Variants in PARD3B observed in about 807,000 individuals in gnomAD.
PARD3B encodes the protein partitioning defective 3 homolog B.
Under a neutral mutation model 130.2 loss-of-function variants are expected in PARD3B, and 103 were observed. The ratio of observed to expected loss-of-function variants is 0.79; its 90% CI spans 0.67 to 0.93. PARD3B has a LOEUF of 0.93. Ranked by LOEUF, PARD3B falls within the 40% of genes least tolerant of loss-of-function variation. PARD3B has a pLI of 0.00. For synonymous variants in PARD3B, 583 were observed against 553.2 expected (o/e 1.05, Z -0.76); for missense variants, 1,609 against 1,499.2 (o/e 1.07, Z -1.21).
intron 20 of PARD3B, among the ~76,000 whole-genome samples, chr2:205,469,704 G>A (rs186046332): frequency 5.6e-4 from 85 of 152,250 alleles, no homozygotes; most frequent in African/African-American, 2.0e-3. Flanking sequence ...TCCTGGTATT[G>A]CTCTCTAACC....
At chr2:205,109,459 T>C (rs1427957994) in intron 5 of PARD3B, among the ~76,000 whole-genome samples, 1 of 152,108 alleles carries the variant, frequency 6.6e-6, no homozygotes, top group Non-Finnish European at 1.5e-5. Context: ...ACTGAGGAAA[T>C]CAATAGAAAA....
rs1276007539 is a variant in PARD3B, at chr2:205,572,969, A to G, written c.3260+19566A>G. On this transcript the variant is annotated intron_variant, in intron 22 of 22. Transcript: ENST00000406610. This position sits in a 1 kb window ranked among gnomAD's most constrained non-coding sequence, Gnocchi z 4.2. ...AGCATGGCTAGGGAGGCCTCAGGAA[A>G]CTTACAGTCATGGTAGAGGGGAAGC... is the stretch of plus-strand genomic sequence containing the variant. Among the ~76,000 whole-genome samples the G allele has an allele frequency of 6.6e-6, 1 of 152,166 alleles. No individual in the cohort carries two copies. Among genetic ancestry groups the G allele is most frequent in the African/African-American group, 2.4e-5 (1 of 41,452 alleles).
intron 2 of PARD3B, among the ~76,000 whole-genome samples, chr2:204,951,096 T>C (rs186375069): frequency 2.6e-5 from 4 of 152,278 alleles, no homozygotes; most frequent in African/African-American, 4.8e-5. Flanking sequence ...TGGAGAGTCA[T>C]ATAATTCAAG....
intron 22 of PARD3B, among the ~76,000 whole-genome samples, chr2:205,569,717 A>G (rs2053493716): frequency 6.6e-6 from 1 of 152,182 alleles, no homozygotes; most frequent in Admixed American, 6.5e-5. Context: ...TCAGGATACT[A>G]AGTGTCCTGA....
chr2:205,228,233 A>G (rs2038662446), intron 15 of PARD3B, among the ~76,000 whole-genome samples: 1 of 152,202 alleles, frequency 6.6e-6, no homozygotes, highest in Admixed American at 6.5e-5. Context: ...TTGTTCATCA[A>G]TGTCCTTTTC....
At chr2:205,132,942 C>T (rs528131832) in intron 10 of PARD3B, among the ~76,000 whole-genome samples, 41 of 152,062 alleles carry the variant, frequency 2.7e-4, no homozygotes, top group South Asian at 2.5e-3. Context: ...ATGAAAGCTA[C>T]GCATTACTAA....
intron 21 of PARD3B, among the ~76,000 whole-genome samples, chr2:205,535,897 C>T (rs2051832030): frequency 6.6e-6 from 1 of 152,148 alleles, no homozygotes; most frequent in South Asian, 2.1e-4. Context: ...AATTGTACCC[C>T]AAATTTCATT....
chr2:205,476,973 A>G (rs759957659), intron 20 of PARD3B, among the ~76,000 whole-genome samples: 4 of 152,190 alleles, frequency 2.6e-5, no homozygotes, highest in Non-Finnish European at 5.9e-5. Context: ...TATGGCAATG[A>G]TGTTTTTACA....
intron 10 of PARD3B, among the ~76,000 whole-genome samples, chr2:205,129,699 A>G (rs577346374): frequency 1.3e-5 from 2 of 152,310 alleles, no homozygotes; most frequent in African/African-American, 4.8e-5. Context: ...ACAGCACTGC[A>G]CTGCCTAGTT....
chr2:205,444,950 C>T (rs2047854863), intron 20 of PARD3B, among the ~76,000 whole-genome samples: 1 of 151,196 alleles, frequency 6.6e-6, no homozygotes, highest in Non-Finnish European at 1.5e-5. Context: ...TAAGTAGGAC[C>T]AGAGGGAGAA....
At chr2:205,068,642 G>A (rs1470932950) in intron 4 of PARD3B, among the ~76,000 whole-genome samples, 1 of 150,720 alleles carries the variant, frequency 6.6e-6, no homozygotes, top group Non-Finnish European at 1.5e-5. Context: ...GTATTTTCTT[G>A]TTTTACATGA....
In PARD3B at chr2:205,300,407, C is replaced by G. The variant is rs1443653483; in HGVS notation, c.2186-123C>G. 29 of 874,488 alleles carry G rather than the reference C, an allele frequency of 3.3e-5. No individual in the cohort carries two copies. The highest frequency in any genetic ancestry group is 5.1e-5 in the Non-Finnish European group (28 of 548,762). The allele number at this position is 874,488 out of a possible 1,614,324, so 54.2% of individuals were successfully genotyped here. On this transcript the variant is annotated intron_variant, in intron 16 of 22. Transcript: ENST00000406610. The surrounding 1 kb of genome is among the most constrained non-coding windows in gnomAD (Gnocchi z 4.1). ...AAGGTGGCAAAGCTGGAGTATAACC[C>G]CAACTCCCACCCACTTAACACCCCT... is the stretch of plus-strand genomic sequence containing the variant.
chr2:204,728,108 C>T (rs1015061476), intron 2 of PARD3B, among the ~76,000 whole-genome samples: 1 of 152,164 alleles, frequency 6.6e-6, no homozygotes. Flanking sequence ...CACTTTCACT[C>T]ACAGCCGGGA....
intron 3 of PARD3B, among the ~76,000 whole-genome samples, chr2:205,001,708 G>T (rs1164855648): frequency 1.3e-5 from 2 of 152,192 alleles, no homozygotes; most frequent in Admixed American, 1.3e-4. Context: ...GAGGCGTAAT[G>T]TGCTCCTCCC....
intron 2 of PARD3B, among the ~76,000 whole-genome samples, chr2:204,692,513 T>A (rs1159836480): frequency 7.2e-6 from 1 of 139,314 alleles, no homozygotes; most frequent in African/African-American, 2.6e-5. Flanking sequence ...TTTTTTTTTT[T>A]AAAGGTCCTG....
chr2:205,567,192 A>G (rs2053371093), intron 22 of PARD3B, among the ~76,000 whole-genome samples: 1 of 152,034 alleles, frequency 6.6e-6, no homozygotes, highest in South Asian at 2.1e-4. Context: ...ATGTATGTAT[A>G]GAGAGAGAAA....
intron 15 of PARD3B, among the ~76,000 whole-genome samples, chr2:205,212,780 C>T (rs1457579958): frequency 6.6e-6 from 1 of 151,996 alleles, no homozygotes; most frequent in Non-Finnish European, 1.5e-5. Flanking sequence ...TTATCTGTGG[C>T]CAGAAACCTT....
At chr2:205,374,673 C>T (rs1165496202) in intron 18 of PARD3B, among the ~76,000 whole-genome samples, 1 of 152,078 alleles carries the variant, frequency 6.6e-6, no homozygotes, top group African/African-American at 2.4e-5. Context: ...TCCACAAATC[C>T]ATAATTTTTC....
chr2:205,006,612 T>C lies in PARD3B; in HGVS notation c.395-40969T>C, dbSNP rs1695286517. Among the ~76,000 whole-genome samples the C allele has an allele frequency of 2.0e-5, 3 of 152,198 alleles. 1 individual carries two copies. Among genetic ancestry groups the C allele is most frequent in the Admixed American group, 2.0e-4 (3 of 15,276 alleles). On this transcript the variant is annotated intron_variant, in intron 3 of 22. Transcript: ENST00000406610. ...TTTATTGGCTGTTTGTATATCTTTT[T>C]TTGAGAAATGTCTATTCATGTCCTT...
Sources: allele counts gnomAD v4.1 joint callset (sites outside exome capture counted in the v4.1 genomes callset), GRCh38; gene constraint gnomAD v4.1.1; non-coding constraint Gnocchi (gnomAD v3.1); transcripts MANE v1.5; gene names NCBI Gene and HGNC (gene_info 2026-07-23, HGNC 2026-07-21).